The following PHC3 variants were observed in gnomAD, a reference collection of about 807,000 sequenced individuals.
PHC3 encodes the protein polyhomeotic homolog 3.
In PHC3, 13 loss-of-function variants were observed where a neutral mutation model predicts 107.4. That is an observed-to-expected ratio of 0.12 (90% CI 0.08 to 0.19). The LOEUF is 0.19. Ranked by LOEUF, PHC3 falls within the 10% of genes least tolerant of loss-of-function variation. The pLI, the probability that PHC3 is intolerant of heterozygous loss-of-function variation, is 1.00. For synonymous variants in PHC3, 456 were observed against 427.4 expected (o/e 1.07, Z -0.83); for missense variants, 992 against 1,210.9 (o/e 0.82, Z 2.68).
intron 5 of PHC3, among the ~76,000 whole-genome samples, chr3:170,146,147 G>C (rs939263558): frequency 2.0e-5 from 3 of 152,170 alleles, no homozygotes; most frequent in African/African-American, 7.2e-5. Context: ...GGCCAAGGCA[G>C]GTGGATCACT....
intron 11 of PHC3, among the ~76,000 whole-genome samples, chr3:170,112,197 G>A (rs925313213): frequency 6.6e-6 from 1 of 151,738 alleles, no homozygotes; most frequent in Non-Finnish European, 1.5e-5. Context: ...GATACCACTT[G>A]GACTTCTATT....
intron 4 of PHC3, among the ~76,000 whole-genome samples, chr3:170,154,705 AGTGTT>A (rs1726611039): frequency 6.6e-6 from 1 of 152,220 alleles, no homozygotes; most frequent in Admixed American, 6.5e-5. Flanking sequence ...TCAAAGAACA[AGTGTT>A]GTGTTTACTT....
At chr3:170,162,387 C>T (rs539541403) in intron 4 of PHC3, among the ~76,000 whole-genome samples, 5 of 152,194 alleles carry the variant, frequency 3.3e-5, no homozygotes, top group Non-Finnish European at 7.3e-5. Flanking sequence ...TTTTCTTCTC[C>T]AATACCTCCT....
chr3:170,097,425 C>T lies in PHC3; in HGVS notation c.2834-41G>A, dbSNP rs758504876. ...AGGACAGAAGTTAGAATTAAATATA[C>T]AACAATTAGACATTACTCCTAACAG... On this transcript the variant is annotated intron_variant, in intron 14 of 14. Coordinates refer to ENST00000495893, the MANE Select transcript of PHC3 (RefSeq NM_024947.4). The surrounding 1 kb of genome is among the most constrained non-coding windows in gnomAD (Gnocchi z 4.1). The T allele has an allele frequency of 8.8e-6, 14 of 1,588,316 alleles. No individual in the cohort carries two copies. The highest frequency in any genetic ancestry group is 1.2e-5 in the Non-Finnish European group (14 of 1,164,242).
chr3:170,119,208 A>G lies in PHC3; in HGVS notation c.1943-1732T>C, dbSNP rs148577414. On this transcript the variant is annotated intron_variant, in intron 9 of 14. Coordinates refer to ENST00000495893, the MANE Select transcript of PHC3 (RefSeq NM_024947.4). ...CTTCATACATACTTCTAGGGGACAA[A>G]GGATGAAAGATTTAAAAATTCTGAA... Among the ~76,000 whole-genome samples, 7 of 152,278 alleles carry G rather than the reference A, an allele frequency of 4.6e-5. No homozygotes were observed. The East Asian group carries it at 1.3e-3, about 29-fold the overall frequency.
chr3:170,132,603 G>T (rs1159555487), intron 7 of PHC3, among the ~76,000 whole-genome samples: 4 of 152,178 alleles, frequency 2.6e-5, no homozygotes, highest in Admixed American at 2.6e-4. Context: ...GGCCATGTGA[G>T]GACATCTGCA....
chr3:170,100,666 G>A (rs1715326601), intron 14 of PHC3, among the ~76,000 whole-genome samples: 1 of 152,112 alleles, frequency 6.6e-6, no homozygotes, highest in African/African-American at 2.4e-5. Flanking sequence ...TAAGTTATGA[G>A]GAATATTAAG....
At chr3:170,120,277 A>G (rs1719974786) in intron 9 of PHC3, among the ~76,000 whole-genome samples, 1 of 152,186 alleles carries the variant, frequency 6.6e-6, no homozygotes, top group South Asian at 2.1e-4. Context: ...CTTATGAGGT[A>G]TTACTTTGAA....
At chr3:170,153,491 C>T (rs1383625075) in intron 4 of PHC3, among the ~76,000 whole-genome samples, 7 of 152,070 alleles carry the variant, frequency 4.6e-5, no homozygotes, top group Non-Finnish European at 8.8e-5. Flanking sequence ...AGGCCGGGCG[C>T]GGTGGCTCAC....
At chr3:170,142,835 G>A (rs1476465947) in intron 6 of PHC3, among the ~76,000 whole-genome samples, 1 of 152,030 alleles carries the variant, frequency 6.6e-6, no homozygotes, top group Non-Finnish European at 1.5e-5. Flanking sequence ...GTTGATGATG[G>A]TCTAGCTCTA....
chr3:170,163,472 G>GTGTA (rs1203679666), intron 4 of PHC3, among the ~76,000 whole-genome samples: 1 of 147,420 alleles, frequency 6.8e-6, no homozygotes, highest in Non-Finnish European at 1.5e-5. Context: ...GTGTGTGTGT[G>GTGTA]TGTGTGTGTG....
chr3:170,129,430 G>A lies in PHC3; in HGVS notation c.1042C>T (p.Pro348Ser), dbSNP rs1721894060. 1 of 1,613,912 alleles carries A rather than the reference G, an allele frequency of 6.2e-7. No homozygotes were observed. The highest frequency in any genetic ancestry group is 8.5e-7 in the Non-Finnish European group (1 of 1,179,866). Reference sequence around the variant, plus strand: ...TGAGTTGAATTCTGAAGTGTGATTGGCTGAATTTGCTGTTGCTGCTGTTGT... The same window carrying A: ...TGAGTTGAATTCTGAAGTGTGATTGACTGAATTTGCTGTTGCTGCTGTTGT... ...ILQQQQQQIQ[P>S]ITLQNSTQDP... Residue 348 changes from proline to serine, a missense_variant, in exon 8 of 15, where the codon CCA (proline) becomes TCA (serine). This residue lies in a region of PHC3 where 543 missense variants were observed against 590.8 expected (regional missense o/e 0.92). Transcript: ENST00000495893.
Position 170,149,098 on chromosome 3 carries a change from G to T in PHC3, c.561C>A (p.Leu187=). The T allele has an allele frequency of 6.2e-7, 1 of 1,612,756 alleles. No homozygotes were observed. The highest frequency in any genetic ancestry group is 1.1e-5 in the South Asian group (1 of 90,790). ...TLTASQAQMY[L]RAQMLIFTPA... ...GCTCATATCTTACCATTTGAGCTCGGAGATACATTTGAGCTTGGCTTGCCG... is the reference window on the plus strand; with the variant it reads ...GCTCATATCTTACCATTTGAGCTCGTAGATACATTTGAGCTTGGCTTGCCG... Residue 187 remains leucine, a synonymous_variant, in exon 5 of 15, where the codon CTC becomes CTA. Coordinates refer to ENST00000495893, the MANE Select transcript of PHC3 (RefSeq NM_024947.4).
intron 9 of PHC3, among the ~76,000 whole-genome samples, chr3:170,122,289 A>T (rs954494402): frequency 6.6e-6 from 1 of 151,848 alleles, no homozygotes; most frequent in African/African-American, 2.4e-5. Context: ...TACCATAACA[A>T]ATTCGTTTAA....
chr3:170,135,519 ACACT>A (rs1428809450), intron 7 of PHC3, among the ~76,000 whole-genome samples: 1 of 151,924 alleles, frequency 6.6e-6, no homozygotes, highest in Admixed American at 6.6e-5. Flanking sequence ...ACATACACAC[ACACT>A]CAAACAATAT....
chr3:170,131,194 TA>T (rs201078194), intron 7 of PHC3, among the ~76,000 whole-genome samples: 1,817 of 149,774 alleles, frequency 0.012, 40 homozygotes, highest in African/African-American at 0.042. Flanking sequence ...AATTTTCATA[TA>T]AGTATCTAGG....
At chr3:170,156,229 G>C (rs925296386) in intron 4 of PHC3, among the ~76,000 whole-genome samples, 2 of 152,062 alleles carry the variant, frequency 1.3e-5, no homozygotes, top group African/African-American at 4.8e-5. Flanking sequence ...GGGATTACAG[G>C]CATGAGCCAC....
chr3:170,180,564 GT>G (rs199582784), intron 1 of PHC3, among the ~76,000 whole-genome samples: 2,557 of 138,842 alleles, frequency 0.018, 63 homozygotes, highest in African/African-American at 0.057. Context: ...TTATGCTTCT[GT>G]TTTTTTTTTT....
At chr3:170,179,795 C>G (rs994177990) in intron 1 of PHC3, among the ~76,000 whole-genome samples, 8 of 152,098 alleles carry the variant, frequency 5.3e-5, no homozygotes, top group African/African-American at 1.9e-4. Flanking sequence ...CACTTTAAGT[C>G]AATTCTAAGG....
Sources: gnomAD v4.1 joint callset for allele counts (sites outside exome capture counted in the v4.1 genomes callset) on GRCh38, gnomAD v4.1.1 for gene constraint, gnomAD v4.1.1 regional missense constraint, Gnocchi (gnomAD v3.1) non-coding constraint, MANE v1.5 for transcripts, NCBI Gene and HGNC (gene_info 2026-07-23, HGNC 2026-07-21) for gene names.